SLC6A19: variants seen among roughly 807,000 people sequenced by gnomAD.
SLC6A19 encodes the protein sodium-dependent neutral amino acid transporter B(0)AT1.
A neutral mutation model predicts 68.3 loss-of-function variants in SLC6A19; 67 were observed. That is an observed-to-expected ratio of 0.98 (90% CI 0.81 to 1.20). The LOEUF is 1.20. SLC6A19 is among the 50% of genes most tolerant of loss of function. The pLI, the probability that SLC6A19 is intolerant of heterozygous loss-of-function variation, is 0.00. For synonymous variants in SLC6A19, 392 were observed against 374.9 expected (o/e 1.05, Z -0.53); for missense variants, 813 against 851.6 (o/e 0.95, Z 0.56).
Position 1,215,856 on chromosome 5 carries a change from A to G in SLC6A19, c.888-702A>G, listed in dbSNP as rs1281129344. Among the ~76,000 whole-genome samples the G allele has an allele frequency of 6.6e-6, 1 of 152,202 alleles. No homozygotes were observed. The highest frequency in any genetic ancestry group is 1.5e-5 in the Non-Finnish European group (1 of 68,036). On this transcript the variant is annotated intron_variant, in intron 6 of 11. Transcript: ENST00000304460. The surrounding 1 kb of genome is among the most constrained non-coding windows in gnomAD (Gnocchi z 5.1). The stretch of plus-strand genomic sequence containing the variant: ...ACCACTCACGTTCCCACCAGCGTGC[A>G]GGAAGCTCCAGTTTCCCCGTATCCT...
At position 1,208,711 on chromosome 5, in the gene SLC6A19, C is replaced by T. The variant is rs201566210; in HGVS notation, c.203-35C>T. 761 of 1,613,096 alleles carry T rather than the reference C, an allele frequency of 4.7e-4. 3 individuals carry two copies. Among genetic ancestry groups the T allele is most frequent in the South Asian group, 2.7e-3 (242 of 91,088 alleles). ...GGAGGCCTTCCTGCTCCCCCGGGAA[C>T]GGCTCTCAGGCATGGTGGACTCCTC... On this transcript the variant is annotated intron_variant, in intron 1 of 11. Coordinates refer to ENST00000304460, the MANE Select transcript of SLC6A19 (RefSeq NM_001003841.3).
rs1746406176 is a variant in SLC6A19, at chr5:1,222,191, G to T, written c.*287G>T. 3.4e-6 allele frequency: 2 copies of T among 591,718 alleles called. No homozygotes were observed. Among genetic ancestry groups the T allele is most frequent in the Admixed American group, 3.0e-5 (1 of 33,282 alleles). 36.7% of individuals were successfully genotyped at this position (591,718 alleles called of 1,614,324 possible). ...CATGTGTGCAGATGTGTCATGTTGT[G>T]TGTGTGCATGTACATGTATGGACAT... is the stretch of plus-strand genomic sequence containing the variant. On this transcript the variant is annotated 3_prime_UTR_variant, in exon 12 of 12. Coordinates refer to ENST00000304460, the MANE Select transcript of SLC6A19 (RefSeq NM_001003841.3).
In SLC6A19 at chr5:1,222,566, C is replaced by G. The variant is rs1746423375; in HGVS notation, c.*662C>G. 1 of 359,878 alleles carries G rather than the reference C, an allele frequency of 2.8e-6. No homozygotes were observed. The highest frequency in any genetic ancestry group is 4.4e-5 in the Admixed American group (1 of 22,784). The allele number at this position is 359,878 out of a possible 1,614,324, so 22.3% of individuals were successfully genotyped here. A position where few individuals can be genotyped will look rare whatever the true frequency, so the allele number is the denominator to read the frequency against. On this transcript the variant is annotated 3_prime_UTR_variant, in exon 12 of 12. Coordinates refer to ENST00000304460, the MANE Select transcript of SLC6A19 (RefSeq NM_001003841.3). The stretch of plus-strand genomic sequence containing the variant: ...ACGTGTGTTGTGTATATGTGTGTGT[C>G]TGTACCTGTTTGTGTATATGTGTGT...
chr5:1,213,437 C>T, intron 4 of SLC6A19, 26 bp from the exon 5 acceptor site: 1 of 1,552,474 alleles, frequency 6.4e-7, no homozygotes, highest in South Asian at 1.1e-5. Context: ...ACTTCCCGCC[C>T]ATCCCACATG....
Position 1,212,250 on chromosome 5 carries a change from C to A in SLC6A19, c.482-53C>A. On this transcript the variant is annotated intron_variant, in intron 3 of 11. Transcript: ENST00000304460. The surrounding 1 kb of genome is among the most constrained non-coding windows in gnomAD (Gnocchi z 5.1). ...TTCTTCCAGCTCAGGGCCTTCCATT[C>A]TCCTCCCTTGGGGGACCCGTACCCT... 1 of 1,607,788 alleles carries A rather than the reference C, an allele frequency of 6.2e-7. No individual in the cohort carries two copies. The highest frequency in any genetic ancestry group is 8.5e-7 in the Non-Finnish European group (1 of 1,178,928).
chr5:1,209,798 C>T lies in SLC6A19; in HGVS notation c.344-646C>T, dbSNP rs1440580057. ...CCCCTATCTCCGTCTCTCCCCCTGT[C>T]TCTCTTCCCCATCTCACACTCACAT... On this transcript the variant is annotated intron_variant, in intron 2 of 11. Coordinates refer to ENST00000304460, the MANE Select transcript of SLC6A19 (RefSeq NM_001003841.3). The surrounding 1 kb of genome is among the most constrained non-coding windows in gnomAD (Gnocchi z 5.5). Among the ~76,000 whole-genome samples, 1 of 152,094 alleles carries T rather than the reference C, an allele frequency of 6.6e-6. No homozygotes were observed. The highest frequency in any genetic ancestry group is 1.5e-5 in the Non-Finnish European group (1 of 68,028).
In SLC6A19 at chr5:1,222,411, G is replaced by A. The variant is rs1382721935; in HGVS notation, c.*507G>A. 4 of 449,312 alleles carry A rather than the reference G, an allele frequency of 8.9e-6. No individual in the cohort carries two copies. The highest frequency in any genetic ancestry group is 3.8e-5 in the Admixed American group (1 of 26,658). The allele number at this position is 449,312 out of a possible 1,614,324, so 27.8% of individuals were successfully genotyped here. A position where few individuals can be genotyped will look rare whatever the true frequency, so the allele number is the denominator to read the frequency against. Reference sequence around the variant, plus strand: ...CACGTGTATATGTATATCTGTGAGTGTATATACATGCATGCAATTGTGTGT... The same window carrying A: ...CACGTGTATATGTATATCTGTGAGTATATATACATGCATGCAATTGTGTGT... On this transcript the variant is annotated 3_prime_UTR_variant, in exon 12 of 12. Coordinates refer to ENST00000304460, the MANE Select transcript of SLC6A19 (RefSeq NM_001003841.3).
Position 1,216,949 on chromosome 5 carries a change from G to C in SLC6A19, c.1173+4G>C. 6.2e-7 allele frequency: 1 copy of C among 1,612,366 alleles called. No individual in the cohort carries two copies. The highest frequency in any genetic ancestry group is 2.2e-5 in the East Asian group (1 of 44,888). On this transcript the variant is annotated splice_donor_region_variant and intron_variant, in intron 8 of 11. Transcript: ENST00000304460. ...CATCAACGCCTTCCTCTCAGAGGTA[G>C]GTCCATTCCGGAGCTCGAGGCAGGG...
intron 6 of SLC6A19, among the ~76,000 whole-genome samples, chr5:1,216,100 T>A (rs75815531): frequency 0.076 from 11,525 of 152,220 alleles, 554 homozygotes; most frequent in African/African-American, 0.13. Context: ...CAAGACACAC[T>A]GAGCACAGGG....
chr5:1,208,290 C>T (rs966976970), intron 1 of SLC6A19, among the ~76,000 whole-genome samples: 7 of 152,152 alleles, frequency 4.6e-5, no homozygotes, highest in Admixed American at 6.5e-5. Flanking sequence ...CAAGGAGGGA[C>T]GTGGCAGGTG....
intron 8 of SLC6A19, 115 bp downstream of exon 8, chr5:1,217,060 G>A: frequency 6.6e-7 from 1 of 1,526,292 alleles, no homozygotes. Flanking sequence ...GCTTCAGCCG[G>A]GAGGCCCAGC....
At position 1,209,535 on chromosome 5, in the gene SLC6A19, G is replaced by C. The variant is rs1276885085; in HGVS notation, c.343+649G>C. On this transcript the variant is annotated intron_variant, in intron 2 of 11. Coordinates refer to ENST00000304460, the MANE Select transcript of SLC6A19 (RefSeq NM_001003841.3). This position sits in a 1 kb window ranked among gnomAD's most constrained non-coding sequence, Gnocchi z 5.5. ...TCTCCAAGGCCTCCCTCCAGGCCCA[G>C]GGCAGAGCCCACACCCTCTCGCTGA... 3.3e-5 allele frequency among the ~76,000 whole-genome samples: 5 copies of C among 152,066 alleles called. No individual in the cohort carries two copies. The highest frequency in any genetic ancestry group is 1.2e-4 in the African/African-American group (5 of 41,404).
At position 1,201,865 on chromosome 5, in the gene SLC6A19, G is replaced by A. The variant is rs1260243112; in HGVS notation, c.202+13G>A. ...AGCCACGGAGGAGGTAGGCTGGCCGGGCGGGGCTGCGGGCGAGGCCGTGGC... is the reference window on the plus strand; with the variant it reads ...AGCCACGGAGGAGGTAGGCTGGCCGAGCGGGGCTGCGGGCGAGGCCGTGGC... On this transcript the variant is annotated intron_variant, in intron 1 of 11. Coordinates refer to ENST00000304460, the MANE Select transcript of SLC6A19 (RefSeq NM_001003841.3). 3 of 1,606,320 alleles carry A rather than the reference G, an allele frequency of 1.9e-6. No homozygotes were observed. The highest frequency in any genetic ancestry group is 1.7e-4 in the Middle Eastern group (1 of 5,998).
At position 1,221,731 on chromosome 5, in the gene SLC6A19, T is replaced by G; in HGVS notation, c.1732T>G (p.Tyr578Asp). The G allele has an allele frequency of 6.2e-7, 1 of 1,614,038 alleles. No homozygotes were observed. The highest frequency in any genetic ancestry group is 8.5e-7 in the Non-Finnish European group (1 of 1,179,898). ...EEFPKSQKIS[Y>D]PNWVYVVVVI... ...ATTTCCCAAATCCCAGAAGATCTCC[T>G]ACCCGAACTGGGTGTATGTGGTGGT... The change falls in exon 12 of 12, where the codon TAC becomes GAC. Residue 578 changes from tyrosine (Y) to aspartate (D), a missense_variant. Transcript: ENST00000304460.
In SLC6A19 at chr5:1,223,080, A is replaced by G. The variant is rs1284504975; in HGVS notation, c.*1176A>G. 3 of 151,916 alleles carry G rather than the reference A, an allele frequency of 2.0e-5. No individual in the cohort carries two copies. The highest frequency in any genetic ancestry group is 7.3e-5 in the African/African-American group (3 of 41,360). 9.4% of individuals were successfully genotyped at this position (151,916 alleles called of 1,614,324 possible). ...CCCGGAGCAGCCTCTCGGAAGCCGG[A>G]GTGGGCAGTTGCTGGCGATTCTGAG... is the stretch of plus-strand genomic sequence containing the variant. On this transcript the variant is annotated 3_prime_UTR_variant, in exon 12 of 12. Transcript: ENST00000304460.
chr5:1,208,049 A>C (rs1010684084), intron 1 of SLC6A19, among the ~76,000 whole-genome samples: 10 of 152,344 alleles, frequency 6.6e-5, no homozygotes, highest in Admixed American at 1.3e-4. Context: ...TATTGAATAC[A>C]TATATGTAAA....
rs1163463688 is a variant in SLC6A19 at position 1,214,292 on chromosome 5, C to T, written c.887+227C>T. 1.3e-5 allele frequency among the ~76,000 whole-genome samples: 2 copies of T among 152,102 alleles called. No individual in the cohort carries two copies. Among genetic ancestry groups the T allele is most frequent in the Non-Finnish European group, 2.9e-5 (2 of 68,002 alleles). On this transcript the variant is annotated intron_variant, in intron 6 of 11. Transcript: ENST00000304460. The surrounding 1 kb of genome is among the most constrained non-coding windows in gnomAD (Gnocchi z 7.4). The stretch of plus-strand genomic sequence containing the variant: ...AGGAGGGCCAGGAGCCGGGCGCCTG[C>T]AGCTTTCCCCACACCCGTCCCTCCA...
chr5:1,205,027 G>T (rs1745814629), intron 1 of SLC6A19, among the ~76,000 whole-genome samples: 1 of 152,170 alleles, frequency 6.6e-6, no homozygotes, highest in Non-Finnish European at 1.5e-5. Context: ...TGTGCCCAGT[G>T]TCTCTTTCCC....
Position 1,222,670 on chromosome 5 carries a change from C to A in SLC6A19, c.*766C>A. The A allele has an allele frequency of 5.0e-6, 1 of 198,368 alleles. No homozygotes were observed. Among genetic ancestry groups the A allele is most frequent in the African/African-American group, 2.4e-5 (1 of 42,188 alleles). 12.3% of individuals were successfully genotyped at this position (198,368 alleles called of 1,614,324 possible). A position where few individuals can be genotyped will look rare whatever the true frequency, so the allele number is the denominator to read the frequency against. ...GTGTGTATGTATGTGCGCATATGGA[C>A]ACGCATGGACACGCATATGGACACA... On this transcript the variant is annotated 3_prime_UTR_variant, in exon 12 of 12. Transcript: ENST00000304460.
Sources: gnomAD v4.1 joint callset for allele counts (sites outside exome capture counted in the v4.1 genomes callset) on GRCh38, gnomAD v4.1.1 for gene constraint, Gnocchi (gnomAD v3.1) non-coding constraint, MANE v1.5 for transcripts, NCBI Gene and HGNC (gene_info 2026-07-23, HGNC 2026-07-21) for gene names.